NKAIN2: variants seen among roughly 807,000 people sequenced by gnomAD.
The protein encoded by NKAIN2 is sodium/potassium transporting ATPase interacting 2.
A neutral mutation model predicts 32.6 loss-of-function variants in NKAIN2; 14 were observed. That is an observed-to-expected ratio of 0.43 (90% CI 0.28 to 0.67). NKAIN2 has a LOEUF of 0.67. Ranked by LOEUF, NKAIN2 falls within the 30% of genes least tolerant of loss-of-function variation. NKAIN2 has a pLI of 0.17. For synonymous variants in NKAIN2, 80 were observed against 87.2 expected (o/e 0.92, Z 0.46); for missense variants, 198 against 258.3 (o/e 0.77, Z 1.60).
At chr6:124,150,011 A>G (rs141171891) in intron 1 of NKAIN2, among the ~76,000 whole-genome samples, 1,763 of 152,274 alleles carry the variant, frequency 0.012, 19 homozygotes, top group Non-Finnish European at 0.016. Flanking sequence ...CCTGGTCAAT[A>G]TAAGTAAACA....
At chr6:123,819,814 C>G (rs1192970357) in intron 1 of NKAIN2, among the ~76,000 whole-genome samples, 1 of 152,134 alleles carries the variant, frequency 6.6e-6, no homozygotes, top group Non-Finnish European at 1.5e-5. Flanking sequence ...GAATGCAAAG[C>G]TGGAAAGCAT....
chr6:124,387,998 A>G (rs558591993), intron 3 of NKAIN2, among the ~76,000 whole-genome samples: 3 of 152,194 alleles, frequency 2.0e-5, no homozygotes, highest in African/African-American at 4.8e-5. Flanking sequence ...AGAAGGTGCT[A>G]CTATCATGTA....
At chr6:124,603,714 T>TA (rs1782393069) in intron 3 of NKAIN2, among the ~76,000 whole-genome samples, 1 of 151,884 alleles carries the variant, frequency 6.6e-6, no homozygotes. Context: ...CCCAAACTGA[T>TA]ACACTGAGAG....
chr6:124,176,691 A>C (rs766585689), intron 1 of NKAIN2, among the ~76,000 whole-genome samples: 6 of 144,598 alleles, frequency 4.1e-5, no homozygotes, highest in Non-Finnish European at 7.7e-5. Context: ...CCATGTTAAT[A>C]TGTAATTTAA....
chr6:124,686,228 C>A (rs1379220171), intron 4 of NKAIN2, among the ~76,000 whole-genome samples: 1 of 152,138 alleles, frequency 6.6e-6, no homozygotes, highest in Non-Finnish European at 1.5e-5. Flanking sequence ...AAGACTCCCG[C>A]AAGGCAGGCC....
intron 1 of NKAIN2, among the ~76,000 whole-genome samples, chr6:123,831,076 T>G (rs1486900342): frequency 6.6e-6 from 1 of 152,186 alleles, no homozygotes; most frequent in Non-Finnish European, 1.5e-5. Flanking sequence ...TAAAAATGAA[T>G]TAGTTCTGCT....
At position 124,047,434 on chromosome 6, in the gene NKAIN2, T is replaced by TTC. The variant is rs746006911; in HGVS notation, c.55-235557_55-235556dup. On this transcript the variant is annotated intron_variant, in intron 1 of 6. Coordinates refer to ENST00000368417, the MANE Select transcript of NKAIN2 (RefSeq NM_001040214.3). ...TAGAATAAAGTGAGGGAAATTTACT[T>TTC]TCTCTCTCTCTCTCTATATATATAT... Among the ~76,000 whole-genome samples the TTC allele has an allele frequency of 6.0e-3, 884 of 146,676 alleles. 4 individuals are homozygous for TTC. The highest frequency in any genetic ancestry group is 0.021 in the African/African-American group (822 of 39,814).
intron 1 of NKAIN2, among the ~76,000 whole-genome samples, chr6:124,281,737 G>A (rs978496087): frequency 2.0e-5 from 3 of 152,250 alleles, no homozygotes; most frequent in East Asian, 3.9e-4. Flanking sequence ...ATGGGAAAAC[G>A]TGCTACTCAG....
intron 1 of NKAIN2, among the ~76,000 whole-genome samples, chr6:124,128,697 C>A (rs1786305576): frequency 6.6e-6 from 1 of 152,166 alleles, no homozygotes; most frequent in Non-Finnish European, 1.5e-5. Context: ...TCTTTAAGTT[C>A]TAAGTTAATC....
chr6:124,243,047 A>C (rs1562446039), intron 1 of NKAIN2, among the ~76,000 whole-genome samples: 1 of 151,934 alleles, frequency 6.6e-6, no homozygotes, highest in Non-Finnish European at 1.5e-5. Flanking sequence ...TTAAAAAAAA[A>C]AAAACCCAAG....
intron 3 of NKAIN2, among the ~76,000 whole-genome samples, chr6:124,388,071 A>G (rs1772987003): frequency 6.6e-6 from 1 of 152,080 alleles, no homozygotes; most frequent in Non-Finnish European, 1.5e-5. Context: ...CTAATAACAC[A>G]AAATTATCTA....
chr6:124,214,581 T>G lies in NKAIN2; in HGVS notation c.55-68424T>G, dbSNP rs190463069. Among the ~76,000 whole-genome samples the G allele has an allele frequency of 6.4e-4, 97 of 152,056 alleles. 1 individual carries two copies. The highest frequency in any genetic ancestry group is 2.3e-3 in the African/African-American group (96 of 41,496). Reference sequence around the variant, plus strand: ...CTGGCCAACATAATGAAACCCTGTCTCTACTAAAAATACAAAAACTAGCCA... The same window carrying G: ...CTGGCCAACATAATGAAACCCTGTCGCTACTAAAAATACAAAAACTAGCCA... On this transcript the variant is annotated intron_variant, in intron 1 of 6. Coordinates refer to ENST00000368417, the MANE Select transcript of NKAIN2 (RefSeq NM_001040214.3).
intron 5 of NKAIN2, among the ~76,000 whole-genome samples, chr6:124,806,392 C>A (rs934887022): frequency 6.6e-6 from 1 of 151,956 alleles, no homozygotes; most frequent in Non-Finnish European, 1.5e-5. Flanking sequence ...CCAAACTAAG[C>A]TTCATAAGTG....
chr6:124,147,809 T>G (rs916038348), intron 1 of NKAIN2, among the ~76,000 whole-genome samples: 1 of 152,150 alleles, frequency 6.6e-6, no homozygotes, highest in Non-Finnish European at 1.5e-5. Flanking sequence ...CTTGCACTAG[T>G]AAAGCTATCA....
chr6:124,156,921 G>C (rs1004091295), intron 1 of NKAIN2, among the ~76,000 whole-genome samples: 1 of 151,650 alleles, frequency 6.6e-6, no homozygotes, highest in African/African-American at 2.4e-5. Context: ...TGGCCAACAT[G>C]GTAAAACCCC....
intron 1 of NKAIN2, among the ~76,000 whole-genome samples, chr6:123,855,272 C>A (rs578137810): frequency 2.0e-5 from 3 of 152,140 alleles, no homozygotes; most frequent in African/African-American, 7.2e-5. Flanking sequence ...CCTTCTGTTG[C>A]AATACATATG....
chr6:124,669,775 CTCTCCACCTCCGTTTCTCACATTT>C (rs552569579), intron 4 of NKAIN2, among the ~76,000 whole-genome samples: 184 of 152,200 alleles, frequency 1.2e-3, no homozygotes, highest in African/African-American at 4.4e-3. Context: ...TCTAATCATT[CTCTCCACCTCCGTTTCTCACATTT>C]TTTGGCATTA....
intron 1 of NKAIN2, among the ~76,000 whole-genome samples, chr6:124,055,648 T>C (rs1450862592): frequency 1.3e-5 from 2 of 152,018 alleles, no homozygotes; most frequent in Non-Finnish European, 2.9e-5. Context: ...TGTGCAACTC[T>C]AGAATAACAC....
intron 5 of NKAIN2, among the ~76,000 whole-genome samples, chr6:124,792,387 T>G (rs1779785910): frequency 6.6e-6 from 1 of 152,132 alleles, no homozygotes; most frequent in Non-Finnish European, 1.5e-5. Context: ...ATCGTACTCA[T>G]ACATGATCTA....
Sources: gnomAD v4.1 joint callset for allele counts (sites outside exome capture counted in the v4.1 genomes callset) on GRCh38, gnomAD v4.1.1 for gene constraint, MANE v1.5 for transcripts, NCBI Gene and HGNC (gene_info 2026-07-23, HGNC 2026-07-21) for gene names.